PPP2R2B: variants seen among roughly 807,000 people sequenced by gnomAD.
The protein encoded by PPP2R2B is serine/threonine-protein phosphatase 2A 55 kDa regulatory subunit B beta isoform.
A neutral mutation model predicts 46.0 loss-of-function variants in PPP2R2B; 5 were observed. The observed-to-expected ratio is 0.11, with a 90% CI of 0.06 to 0.23. PPP2R2B has a LOEUF of 0.23. Ranked by LOEUF, PPP2R2B falls within the 10% of genes least tolerant of loss-of-function variation. The pLI is 1.00. For missense variants in PPP2R2B, 367 were observed against 575.0 expected (o/e 0.64, Z 3.70); for synonymous variants, 215 against 206.7 (o/e 1.04, Z -0.34).
At chr5:146,730,908 A>T (rs1322260980) in intron 2 of PPP2R2B, among the ~76,000 whole-genome samples, 2 of 152,230 alleles carry the variant, frequency 1.3e-5, no homozygotes, top group African/African-American at 4.8e-5. Flanking sequence ...GAGTCTGACC[A>T]GGAAATGTAG....
chr5:146,984,300 G>A (rs1029146887), intron 1 of PPP2R2B, among the ~76,000 whole-genome samples: 1 of 151,982 alleles, frequency 6.6e-6, no homozygotes, highest in African/African-American at 2.4e-5. Context: ...TGCTTCTATG[G>A]GTTTGATCAT....
At chr5:146,964,282 A>G (rs1338724233) in intron 1 of PPP2R2B, among the ~76,000 whole-genome samples, 3 of 152,238 alleles carry the variant, frequency 2.0e-5, no homozygotes, top group Admixed American at 2.0e-4. Context: ...GTCAAAGAAA[A>G]AAATGAAAAA....
At chr5:146,965,681 G>C (rs1203750405) in intron 1 of PPP2R2B, among the ~76,000 whole-genome samples, 1 of 152,180 alleles carries the variant, frequency 6.6e-6, no homozygotes, top group African/African-American at 2.4e-5. Context: ...CCATTTGGTA[G>C]TATGAATGCT....
Position 146,898,351 on chromosome 5 carries a change from C to T in PPP2R2B, c.79+157314G>A, listed in dbSNP as rs759426941. Reference sequence around the variant, plus strand: ...CAGTATAGTTTGAAGTTTGACAAACCTGAGAAAAACAAGCAATGGGGAAAG... The same window carrying T: ...CAGTATAGTTTGAAGTTTGACAAACTTGAGAAAAACAAGCAATGGGGAAAG... On this transcript the variant is annotated intron_variant, in intron 1 of 8. Coordinates refer to the PPP2R2B transcript ENST00000336640. Among the ~76,000 whole-genome samples, 3 of 152,060 alleles carry T rather than the reference C, an allele frequency of 2.0e-5. No individual in the cohort carries two copies. The East Asian group carries it at 5.8e-4, about 29-fold the overall frequency.
At chr5:146,890,715 T>A (rs1157566702) in intron 1 of PPP2R2B, among the ~76,000 whole-genome samples, 1 of 152,142 alleles carries the variant, frequency 6.6e-6, no homozygotes, top group Admixed American at 6.5e-5. Context: ...AATAGAGACC[T>A]TTGCAATTTC....
At chr5:146,736,183 G>T (rs60713115) in intron 2 of PPP2R2B, among the ~76,000 whole-genome samples, 1 of 152,036 alleles carries the variant, frequency 6.6e-6, no homozygotes, top group Non-Finnish European at 1.5e-5. Flanking sequence ...TGTGAAGAAG[G>T]ATGTGTTTGC....
intron 2 of PPP2R2B, among the ~76,000 whole-genome samples, chr5:146,746,385 A>T (rs1052140899): frequency 3.0e-4 from 1 of 3,348 alleles, no homozygotes; most frequent in Non-Finnish European, 7.3e-4. Context: ...TGGGAGTTTA[A>T]AAAAAAAAAG....
intron 2 of PPP2R2B, among the ~76,000 whole-genome samples, chr5:146,862,834 A>G (rs1761084770): frequency 6.7e-6 from 1 of 149,116 alleles, no homozygotes; most frequent in South Asian, 2.1e-4. Flanking sequence ...AGTGACTCAA[A>G]GGCAACCTGC....
intron 2 of PPP2R2B, among the ~76,000 whole-genome samples, chr5:146,845,090 C>T (rs72823296): frequency 1.1e-4 from 17 of 152,234 alleles, no homozygotes; most frequent in East Asian, 1.9e-4. Context: ...TTTGCATATG[C>T]GACAAGCCTC....
intron 7 of PPP2R2B, among the ~76,000 whole-genome samples, chr5:146,603,160 A>G (rs1051935018): frequency 6.6e-6 from 1 of 152,206 alleles, no homozygotes; most frequent in Non-Finnish European, 1.5e-5. Flanking sequence ...GTAGGTCCTC[A>G]GTATATGCCA....
chr5:146,656,810 C>T (rs754548430), intron 5 of PPP2R2B: 2 of 152,206 alleles, frequency 1.3e-5, no homozygotes, highest in Non-Finnish European at 2.9e-5. Flanking sequence ...GTGAGGAAAG[C>T]TCAGGGAGGT....
chr5:146,898,619 CA>C (rs1330031760), intron 1 of PPP2R2B, among the ~76,000 whole-genome samples: 4 of 146,510 alleles, frequency 2.7e-5, no homozygotes, highest in African/African-American at 1.0e-4. Context: ...CCAAAATTGA[CA>C]AATGGGATCT....
At chr5:146,943,997 T>C (rs1390616557) in intron 1 of PPP2R2B, among the ~76,000 whole-genome samples, 1 of 152,192 alleles carries the variant, frequency 6.6e-6, no homozygotes, top group Non-Finnish European at 1.5e-5. Flanking sequence ...CCCAACACCT[T>C]GTCTCAAGTG....
chr5:146,602,136 C>G (rs1411160675), intron 7 of PPP2R2B, among the ~76,000 whole-genome samples: 2 of 152,148 alleles, frequency 1.3e-5, no homozygotes, highest in Non-Finnish European at 2.9e-5. Flanking sequence ...TTCTCTGAAG[C>G]CCTATCATGC....
chr5:146,702,995 G>GAGTT (rs1779633871), intron 2 of PPP2R2B, among the ~76,000 whole-genome samples: 1 of 152,196 alleles, frequency 6.6e-6, no homozygotes, highest in Non-Finnish European at 1.5e-5. Flanking sequence ...CACCTCAAGT[G>GAGTT]AGTTATTTGA....
At chr5:146,764,940 C>A (rs1390224866) in intron 2 of PPP2R2B, among the ~76,000 whole-genome samples, 1 of 151,944 alleles carries the variant, frequency 6.6e-6, no homozygotes, top group Non-Finnish European at 1.5e-5. Context: ...TATGTCATTG[C>A]AGTACAATTA....
intron 2 of PPP2R2B, among the ~76,000 whole-genome samples, chr5:147,072,607 A>G (rs1182436171): frequency 1.3e-5 from 2 of 152,166 alleles, no homozygotes; most frequent in Non-Finnish European, 2.9e-5. Flanking sequence ...CACCTGCCTC[A>G]TATCTTAGTG....
intron 5 of PPP2R2B, among the ~76,000 whole-genome samples, chr5:146,668,061 C>G (rs1389295699): frequency 6.6e-6 from 1 of 152,190 alleles, no homozygotes; most frequent in African/African-American, 2.4e-5. Context: ...ATCCACCCAT[C>G]CATATCCCTA....
chr5:146,753,040 C>T (rs542191757), intron 2 of PPP2R2B, among the ~76,000 whole-genome samples: 192 of 152,294 alleles, frequency 1.3e-3, no homozygotes, highest in African/African-American at 4.3e-3. Context: ...CATGGAGCTT[C>T]TTGTGGAAAG....
Sources: allele counts gnomAD v4.1 joint callset (sites outside exome capture counted in the v4.1 genomes callset), GRCh38; gene constraint gnomAD v4.1.1; transcripts MANE v1.5; gene names NCBI Gene and HGNC (gene_info 2026-07-23, HGNC 2026-07-21).